The following CDHR2 variants were observed in gnomAD, a reference collection of about 807,000 sequenced individuals.
CDHR2 encodes the protein cadherin related family member 2.
A neutral mutation model predicts 138.6 loss-of-function variants in CDHR2; 104 were observed. That is an observed-to-expected ratio of 0.75 (90% CI 0.64 to 0.88). CDHR2 has a LOEUF of 0.88. CDHR2 is among the 40% of genes least tolerant of loss of function. The pLI, the probability that CDHR2 is intolerant of heterozygous loss-of-function variation, is 0.00. For missense variants in CDHR2, 1,624 were observed against 1,727.6 expected, an observed-to-expected ratio of 0.94 and a Z score of 1.06; for synonymous variants, 755 against 742.8, an observed-to-expected ratio of 1.02 and a Z score of -0.27.
chr5:176,580,248 G>A (rs1228997106), intron 16 of CDHR2, among the ~76,000 whole-genome samples: 1 of 152,074 alleles, frequency 6.6e-6, no homozygotes, highest in African/African-American at 2.4e-5. Flanking sequence ...AGCGCTGACG[G>A]CCGGGCATGG....
At chr5:176,574,391 C>CTT (rs746291320) in intron 7 of CDHR2, among the ~76,000 whole-genome samples, 4 of 152,220 alleles carry the variant, frequency 2.6e-5, no homozygotes, top group Non-Finnish European at 5.9e-5. Context: ...ACCCTTCTTC[C>CTT]TGCCCGCCTG....
In CDHR2 at chr5:176,575,218, G is replaced by A. The variant is rs1444046862; in HGVS notation, c.621+9G>A. On this transcript the variant is annotated intron_variant, in intron 8 of 31. Transcript: ENST00000261944. ...TGGAGCTGAAGGCCTGTGTGAGTGG[G>A]GGTGCCGGCAGGCGGGCCTAGGACC... 1 of 1,614,180 alleles carries A rather than the reference G, an allele frequency of 6.2e-7. No individual in the cohort carries two copies. The highest frequency in any genetic ancestry group is 1.7e-5 in the Admixed American group (1 of 60,034).
rs768589057 is a variant in CDHR2 at position 176,590,311 on chromosome 5, AC to A, written c.3337del (p.Asp1114MetfsTer3). 1 of 1,613,996 alleles carries A rather than the reference AC, an allele frequency of 6.2e-7. No individual in the cohort carries two copies. The highest frequency in any genetic ancestry group is 1.1e-5 in the South Asian group (1 of 91,066). Reference protein sequence around the residue: ...YFVFPNGSALTLDELSVMIRN... With the variant: ...YFVFPNGSALXLDELSVMIRN... The stretch of plus-strand genomic sequence containing the variant: ...TGTCTTCCCCAATGGGTCAGCCCTG[AC>A]CCTTGATGAGCTGAGTGTGTGAGTG... On this transcript the variant is annotated frameshift_variant, in exon 26 of 32. Coordinates refer to ENST00000261944, the MANE Select transcript of CDHR2 (RefSeq NM_017675.6). LOFTEE classifies it high-confidence loss of function.
chr5:176,578,245 A>G, intron 15 of CDHR2, 120 bp from the exon 16 acceptor site: 1 of 1,228,688 alleles, frequency 8.1e-7, no homozygotes, highest in Non-Finnish European at 1.2e-6. Flanking sequence ...TTTTTGAAAT[A>G]ATGAATATGT....
At chr5:176,577,308 G>T in intron 12 of CDHR2, 91 bp from the exon 13 acceptor site, 1 of 1,385,972 alleles carries the variant, frequency 7.2e-7, no homozygotes, top group South Asian at 1.3e-5. Context: ...CATCGGGCGG[G>T]GCATCCAGAG....
chr5:176,563,282 AG>A (rs1247476741), intron 1 of CDHR2, among the ~76,000 whole-genome samples: 1 of 152,166 alleles, frequency 6.6e-6, no homozygotes, highest in Non-Finnish European at 1.5e-5. Context: ...ATGGAGGCAG[AG>A]GTTGCAGTGA....
At chr5:176,593,031 C>T (rs1215742931) in intron 31 of CDHR2, among the ~76,000 whole-genome samples, 3 of 152,190 alleles carry the variant, frequency 2.0e-5, no homozygotes, top group African/African-American at 7.2e-5. Context: ...GGAACATCAA[C>T]CATGCAGGGC....
At position 176,568,935 on chromosome 5, in the gene CDHR2, G is replaced by A. The variant is rs146486054; in HGVS notation, c.265-25G>A. 2,655 of 1,613,610 alleles carry A rather than the reference G, an allele frequency of 1.6e-3. 35 individuals carry two copies. The African/African-American group carries it at 0.031, about 19-fold the overall frequency. On this transcript the variant is annotated intron_variant, in intron 4 of 31. Coordinates refer to ENST00000261944, the MANE Select transcript of CDHR2 (RefSeq NM_017675.6). ...TCCCACCCAGCGGGGGCTCACCACC[G>A]GCCCCTTCTCTCTGGCTGCTGCAGA...
rs10214313 is a variant in CDHR2 at position 176,589,197 on chromosome 5, C to T, written c.3008+15C>T. ...GGGAGCATTCAGTAACTGCGGGCGG[C>T]CCCGGGAGGGAGGTTGCGGGGAGGG... On this transcript the variant is annotated intron_variant, in intron 22 of 31. Coordinates refer to ENST00000261944, the MANE Select transcript of CDHR2 (RefSeq NM_017675.6). The T allele has an allele frequency of 2.4e-3, 3,884 of 1,613,704 alleles. 76 individuals are homozygous for T. In the African/African-American group the frequency reaches 0.046, roughly 19 times the overall value.
rs764943749 is a variant in CDHR2 at position 176,591,216 on chromosome 5, C to A, written c.3546C>A (p.Asn1182Lys). The part of the protein sequence containing the change: ...MAFVCVRKSY[N>K]RKLQAMKAAK... ...CTCTTCCGGTTCCCCACAGCTACAA[C>A]CGGAAGCTTCAAGCTATGAAGGCTG... The change falls in exon 29 of 32, where the codon AAC becomes AAA. Residue 1182 changes from asparagine (N) to lysine (K), a missense_variant. Asn to Lys is a moderately conservative substitution (Grantham distance 94). This residue lies in a region of CDHR2 where 556 missense variants were observed against 565.7 expected (regional missense o/e 0.98). Transcript: ENST00000261944. The A allele has an allele frequency of 6.2e-7, 1 of 1,612,338 alleles. No homozygotes were observed. Among genetic ancestry groups the A allele is most frequent in the Non-Finnish European group, 8.5e-7 (1 of 1,178,638 alleles).
chr5:176,579,024 A>G (rs1474799190), intron 16 of CDHR2, among the ~76,000 whole-genome samples: 1 of 152,234 alleles, frequency 6.6e-6, no homozygotes, highest in East Asian at 1.9e-4. Flanking sequence ...AATTGCTTGG[A>G]GTGAGCTGCA....
chr5:176,545,753 C>G (rs1054625358), upstream of CDHR2, among the ~76,000 whole-genome samples: 1 of 152,220 alleles, frequency 6.6e-6, no homozygotes, highest in Non-Finnish European at 1.5e-5. Flanking sequence ...CTCTTAGTCC[C>G]ACTCTGCCTG....
chr5:176,554,918 T>C (rs1243217642), intron 1 of CDHR2, among the ~76,000 whole-genome samples: 1 of 152,212 alleles, frequency 6.6e-6, no homozygotes, highest in East Asian at 1.9e-4. Context: ...CCTCCCAAAG[T>C]GCTGGGATTA....
chr5:176,590,951 A>G (rs555188483), intron 28 of CDHR2, among the ~76,000 whole-genome samples: 1 of 152,320 alleles, frequency 6.6e-6, no homozygotes, highest in South Asian at 2.1e-4. Flanking sequence ...TCTGGCACAC[A>G]CTATGCGTTT....
At position 176,581,476 on chromosome 5, in the gene CDHR2, A is replaced by G. The variant is rs142953539; in HGVS notation, c.1952A>G (p.Glu651Gly). 1.9e-6 allele frequency: 3 copies of G among 1,614,156 alleles called. No homozygotes were observed. The highest frequency in any genetic ancestry group is 1.7e-5 in the Admixed American group (1 of 60,028). ...LLRNLGPLDREAIDPALEGRI... is the reference protein window; with the variant it reads ...LLRNLGPLDRGAIDPALEGRI... ...AGAAACCTGGGGCCCCTGGACAGAGAGGCCATCGACCCCGCCCTGGAGGGC... is the reference window on the plus strand; with the variant it reads ...AGAAACCTGGGGCCCCTGGACAGAGGGGCCATCGACCCCGCCCTGGAGGGC... The change falls in exon 17 of 32, where the codon GAG becomes GGG. Residue 651 changes from glutamate to glycine, a missense_variant. Physicochemically the swap from Glu to Gly is moderately conservative, Grantham distance 98. This residue lies in a region of CDHR2 where 1,061 missense variants were observed against 1,136.6 expected (regional missense o/e 0.93). Transcript: ENST00000261944.
At position 176,577,654 on chromosome 5, in the gene CDHR2, C is replaced by A. The variant is rs751352162; in HGVS notation, c.1368C>A (p.Ser456=). Residue 456 remains serine (S), a synonymous_variant, in exon 14 of 32, where the codon TCC becomes TCA. Coordinates refer to ENST00000261944, the MANE Select transcript of CDHR2 (RefSeq NM_017675.6). Reference sequence around the variant, plus strand: ...GCCCCCAGGTTGTGGCCACAGACTCCGTCAGCCAGAACTTCTCCGTCGCCA... The same window carrying A: ...GCCCCCAGGTTGTGGCCACAGACTCAGTCAGCCAGAACTTCTCCGTCGCCA... ...AMAVQVVATD[S]VSQNFSVAMV... 6.2e-7 allele frequency: 1 copy of A among 1,614,204 alleles called. No individual in the cohort carries two copies. Among genetic ancestry groups the A allele is most frequent in the Non-Finnish European group, 8.5e-7 (1 of 1,180,032 alleles).
intron 12 of CDHR2, among the ~76,000 whole-genome samples, chr5:176,577,141 G>A (rs1758402652): frequency 6.6e-6 from 1 of 151,992 alleles, no homozygotes. Flanking sequence ...CAGCTGACAG[G>A]AGTGAGGGGT....
At chr5:176,583,300 T>C (rs998723785) in intron 17 of CDHR2, among the ~76,000 whole-genome samples, 2 of 152,218 alleles carry the variant, frequency 1.3e-5, no homozygotes, top group African/African-American at 4.8e-5. Context: ...AGTGCTCTTA[T>C]CCACTCCTGT....
At chr5:176,574,302 C>T (rs781645259) in intron 7 of CDHR2, 130 bp downstream of exon 7, 23 of 681,002 alleles carry the variant, frequency 3.4e-5, no homozygotes, top group Non-Finnish European at 4.8e-5. Context: ...GTCCCCAAAC[C>T]GTCCTCTGGC....
Sources: allele counts gnomAD v4.1 joint callset (sites outside exome capture counted in the v4.1 genomes callset), GRCh38; gene constraint gnomAD v4.1.1; regional missense constraint gnomAD v4.1.1; transcripts MANE v1.5; gene names NCBI Gene and HGNC (gene_info 2026-07-23, HGNC 2026-07-21).